PCNX1: variants seen among roughly 807,000 people sequenced by gnomAD.
The protein encoded by PCNX1 is pecanex 1.
PCNX1 carries 78 observed loss-of-function variants against 242.2 expected under a neutral mutation model. The observed-to-expected ratio is 0.32, with a 90% CI of 0.27 to 0.39. PCNX1 has a LOEUF of 0.39. Ranked by LOEUF, PCNX1 falls within the 10% of genes least tolerant of loss-of-function variation. The pLI is 1.00. For synonymous variants in PCNX1, 1,024 were observed against 1,032.9 expected (o/e 0.99, Z 0.17); for missense variants, 2,581 against 2,856.5 (o/e 0.90, Z 2.20).
intron 1 of PCNX1, among the ~76,000 whole-genome samples, chr14:70,937,422 T>A (rs1683087523): frequency 6.6e-6 from 1 of 152,228 alleles, no homozygotes; most frequent in African/African-American, 2.4e-5. Context: ...TCTGTCAGAT[T>A]TGTCAAAGAT....
At chr14:70,986,026 T>G (rs1318791414) in intron 6 of PCNX1, among the ~76,000 whole-genome samples, 2 of 152,246 alleles carry the variant, frequency 1.3e-5, no homozygotes, top group Non-Finnish European at 2.9e-5. Flanking sequence ...TGTGACTGTA[T>G]GTGCTTACAG....
At chr14:70,980,309 C>T (rs2058801565) in intron 6 of PCNX1, among the ~76,000 whole-genome samples, 1 of 150,998 alleles carries the variant, frequency 6.6e-6, no homozygotes, top group Non-Finnish European at 1.5e-5. Context: ...GTTCTTTAAG[C>T]TATATTAGCC....
rs899819773 is a variant in PCNX1, at chr14:71,110,717, C to T, written c.*782C>T. 2.0e-5 allele frequency: 3 copies of T among 152,444 alleles called. No homozygotes were observed. Among genetic ancestry groups the T allele is most frequent in the Admixed American group, 1.3e-4 (2 of 15,268 alleles). 9.4% of individuals were successfully genotyped at this position (152,444 alleles called of 1,614,324 possible). ...AGTGAATATAGAATCTCAAGATATA[C>T]GTAGCTTCATCATTGACATTTCCCA... is the stretch of plus-strand genomic sequence containing the variant. On this transcript the variant is annotated 3_prime_UTR_variant, in exon 36 of 36. Transcript: ENST00000304743.
chr14:71,014,849 A>G (rs947315696), intron 11 of PCNX1, among the ~76,000 whole-genome samples: 3 of 152,144 alleles, frequency 2.0e-5, no homozygotes, highest in Non-Finnish European at 4.4e-5. Flanking sequence ...TTTGATGAAA[A>G]CTGTGAATAT....
intron 13 of PCNX1, among the ~76,000 whole-genome samples, chr14:71,024,928 C>T (rs1223964831): frequency 1.3e-5 from 2 of 152,132 alleles, no homozygotes; most frequent in Non-Finnish European, 2.9e-5. Context: ...CTGTTTTTCT[C>T]TTACAGATAA....
chr14:71,005,327 G>GAC (rs2059622500), intron 8 of PCNX1, among the ~76,000 whole-genome samples: 1 of 152,170 alleles, frequency 6.6e-6, no homozygotes, highest in East Asian at 1.9e-4. Flanking sequence ...AGCATAGCAA[G>GAC]ACCCCCATCT....
In PCNX1 at chr14:70,939,756, G is replaced by C. The variant is rs373518567; in HGVS notation, c.154-7159G>C. Among the ~76,000 whole-genome samples, 9 of 152,164 alleles carry C rather than the reference G, an allele frequency of 5.9e-5. No homozygotes were observed. In the East Asian group the frequency reaches 1.5e-3, roughly 26 times the overall value. ...GTGTTAAAGTCTCCCATTATTGTGT[G>C]GGAGTCTAAGTCTCTTTGTAGGTCT... is the stretch of plus-strand genomic sequence containing the variant. On this transcript the variant is annotated intron_variant, in intron 1 of 35. Transcript: ENST00000304743.
intron 1 of PCNX1, among the ~76,000 whole-genome samples, chr14:70,926,754 GA>G (rs1048400516): frequency 2.7e-5 from 4 of 150,692 alleles, no homozygotes; most frequent in African/African-American, 4.9e-5. Context: ...ATGCATGTGT[GA>G]AAAAAAAATC....
In PCNX1 at chr14:71,051,981, C is replaced by T. The variant is rs774167844; in HGVS notation, c.4546C>T (p.Arg1516Ter). 7 of 1,612,932 alleles carry T rather than the reference C, an allele frequency of 4.3e-6. No individual in the cohort carries two copies. Among genetic ancestry groups the T allele is most frequent in the Non-Finnish European group, 5.9e-6 (7 of 1,179,258 alleles). ...TGCAATATTCATCACTTCATATGTCCGACCTGTGAAATTCTGGGAGAGAGA... is the reference window on the plus strand; with the variant it reads ...TGCAATATTCATCACTTCATATGTCTGACCTGTGAAATTCTGGGAGAGAGA... ...GSAIFITSYV[R>*]PVKFWERDYN... Residue 1516 changes from arginine to a stop codon, truncating the protein, a stop_gained, in exon 24 of 36, where the codon CGA becomes TGA. Coordinates refer to ENST00000304743, the MANE Select transcript of PCNX1 (RefSeq NM_014982.3). LOFTEE classifies it high-confidence loss of function.
chr14:71,071,371 C>G (rs992517742), intron 26 of PCNX1, among the ~76,000 whole-genome samples: 1 of 152,132 alleles, frequency 6.6e-6, no homozygotes, highest in Admixed American at 6.5e-5. Flanking sequence ...ACTTTTGGCC[C>G]ATCCTGGTGA....
chr14:71,048,464 T>A (rs1331037727), intron 22 of PCNX1, among the ~76,000 whole-genome samples: 3 of 152,160 alleles, frequency 2.0e-5, no homozygotes, highest in African/African-American at 7.2e-5. Context: ...AAGATAGATG[T>A]TCTAGGCCTT....
At chr14:71,100,414 A>G (rs1183506910) in intron 30 of PCNX1, among the ~76,000 whole-genome samples, 1 of 152,214 alleles carries the variant, frequency 6.6e-6, no homozygotes, top group Non-Finnish European at 1.5e-5. Context: ...TGCTGAAAAC[A>G]GGCCCCAATC....
chr14:71,000,954 A>C (rs140654604), intron 8 of PCNX1, among the ~76,000 whole-genome samples: 1 of 152,224 alleles, frequency 6.6e-6, no homozygotes, highest in African/African-American at 2.4e-5. Context: ...GTTATTAACT[A>C]TGCGATCTTG....
chr14:70,985,778 C>G (rs2058983356), intron 6 of PCNX1, among the ~76,000 whole-genome samples: 1 of 152,120 alleles, frequency 6.6e-6, no homozygotes. Flanking sequence ...TATGCTCTTA[C>G]TATTGAATTA....
At chr14:71,003,693 CAATT>C (rs1042965936) in intron 8 of PCNX1, among the ~76,000 whole-genome samples, 2 of 151,976 alleles carry the variant, frequency 1.3e-5, no homozygotes, top group African/African-American at 4.8e-5. Context: ...GAGTTTTTAA[CAATT>C]AATTAAGGCA....
chr14:71,066,470 CTT>C (rs2061449965), intron 26 of PCNX1, among the ~76,000 whole-genome samples: 1 of 152,298 alleles, frequency 6.6e-6, no homozygotes, highest in Non-Finnish European at 1.5e-5. Flanking sequence ...TATCCTGAGA[CTT>C]TGCTGAAGTT....
At chr14:71,027,803 G>A (rs985943907) in intron 15 of PCNX1, among the ~76,000 whole-genome samples, 1 of 151,816 alleles carries the variant, frequency 6.6e-6, no homozygotes, top group Admixed American at 6.6e-5. Flanking sequence ...AGACAGAACT[G>A]GTTTCATCAA....
At chr14:71,103,766 A>G (rs1457672103) in intron 32 of PCNX1, 97 bp downstream of exon 32, 12 of 1,103,638 alleles carry the variant, frequency 1.1e-5, no homozygotes, top group East Asian at 2.4e-5. Flanking sequence ...AAAAAATTAC[A>G]GGTGCCATGG....
At chr14:70,973,209 C>T (rs1344015804) in intron 5 of PCNX1, among the ~76,000 whole-genome samples, 1 of 146,388 alleles carries the variant, frequency 6.8e-6, no homozygotes, top group African/African-American at 2.5e-5. Flanking sequence ...GCCATGATTG[C>T]AGCACTACAC....
Sources: allele counts gnomAD v4.1 joint callset (sites outside exome capture counted in the v4.1 genomes callset), GRCh38; gene constraint gnomAD v4.1.1; transcripts MANE v1.5; gene names NCBI Gene and HGNC (gene_info 2026-07-23, HGNC 2026-07-21).